Variants in DDHD2 observed in about 807,000 individuals in gnomAD.
DDHD2 encodes the protein DDHD domain containing 2, also known as triacylglycerol hydrolase DDHD2.
Under a neutral mutation model 91.2 loss-of-function variants are expected in DDHD2, and 62 were observed. That is an observed-to-expected ratio of 0.68 (90% CI 0.55 to 0.84). The LOEUF (loss-of-function observed/expected upper bound fraction) is 0.84, where lower values mean the gene tolerates loss of function less well. Ranked by LOEUF, DDHD2 falls within the 40% of genes least tolerant of loss-of-function variation. The probability of loss-of-function intolerance (pLI) is 0.00; values close to 1 mark genes in which losing one functional copy is unlikely to be tolerated. For missense variants in DDHD2, 740 were observed against 846.9 expected (o/e 0.87, Z 1.57); for synonymous variants, 271 against 293.9 (o/e 0.92, Z 0.80).
At position 38,234,428 on chromosome 8, in the gene DDHD2, TG is replaced by T. The variant is rs1804539497; in HGVS notation, c.260del (p.Gly87AlafsTer24). The stretch of plus-strand genomic sequence containing the variant: ...GTAATGGGAGAGTTGTTCCTACTGA[TG>T]GGGGCAGATATGATGTTCATTTGGG... The part of the protein sequence containing the change: ...GCNGRVVPTD[G>X]GRYDVHLGER... On this transcript the variant is annotated frameshift_variant, in exon 3 of 18. Transcript: ENST00000397166. LOFTEE classifies it high-confidence loss of function. 3 of 1,602,714 alleles carry T rather than the reference TG, an allele frequency of 1.9e-6. No individual in the cohort carries two copies. Among genetic ancestry groups the T allele is most frequent in the Non-Finnish European group, 2.5e-6 (3 of 1,177,370 alleles).
At position 38,247,825 on chromosome 8, in the gene DDHD2, A is replaced by G; in HGVS notation, c.1238A>G (p.Lys413Arg). ...FDIFEKEKVDKEALALCTDRD... is the reference protein window; with the variant it reads ...FDIFEKEKVDREALALCTDRD... ...ATCTTTGAGAAGGAGAAAGTAGATA[A>G]GGAAGCTCTGGTAAAAATAATCTTT... The change falls in exon 10 of 18, where the codon AAG (lysine) becomes AGG (arginine). Residue 413 changes from lysine to arginine, a missense_variant. This residue lies in a region of DDHD2 where 693 missense variants were observed against 764.2 expected (regional missense o/e 0.91). Transcript: ENST00000397166. 6.4e-7 allele frequency: 1 copy of G among 1,562,498 alleles called. No individual in the cohort carries two copies.
At chr8:38,243,813 T>TC (rs1278126970) in intron 7 of DDHD2, among the ~76,000 whole-genome samples, 1 of 151,158 alleles carries the variant, frequency 6.6e-6, no homozygotes, top group East Asian at 1.9e-4. Flanking sequence ...TTTATCTTTT[T>TC]TTTTTTTTTT....
downstream of DDHD2, chr8:38,272,656 C>T (rs1808510622): frequency 6.6e-6 from 1 of 152,224 alleles, no homozygotes; most frequent in South Asian, 2.1e-4. Context: ...AACAAATTAA[C>T]ATGTGGTTAA....
chr8:38,260,449 G>C (rs767667247), intron 17 of DDHD2, 151 bp from the exon 18 acceptor site: 16 of 188,872 alleles, frequency 8.5e-5, no homozygotes, highest in South Asian at 3.1e-4. Context: ...TGTGGCAACA[G>C]TTATGATTTT....
At chr8:38,238,499 C>G in intron 5 of DDHD2, 1 of 1,115,180 alleles carries the variant, frequency 9.0e-7, no homozygotes, top group Non-Finnish European at 1.1e-6. Flanking sequence ...GTGATTCCAC[C>G]TACTTGACTA....
At position 38,242,332 on chromosome 8, in the gene DDHD2, A is replaced by G. The variant is rs776706696; in HGVS notation, c.795A>G (p.Val265=). ...KAQENQQIGR[V]EFLPVNWHSP... is the part of the protein sequence containing the mutation. The stretch of plus-strand genomic sequence containing the variant: ...AAGAAAATCAGCAGATTGGGAGGGT[A>G]GAATTTCTTCCAGTCAACTGGCACA... The change falls in exon 7 of 18, where the codon GTA becomes GTG. Residue 265 remains valine (V), a synonymous_variant. Coordinates refer to ENST00000397166, the MANE Select transcript of DDHD2 (RefSeq NM_015214.3). The G allele has an allele frequency of 5.6e-6, 9 of 1,611,290 alleles. No individual in the cohort carries two copies. In the East Asian group the frequency reaches 6.7e-5, roughly 12 times the overall value.
intron 16 of DDHD2, among the ~76,000 whole-genome samples, chr8:38,258,575 A>G (rs549177336): frequency 1.3e-5 from 2 of 152,316 alleles, no homozygotes; most frequent in East Asian, 1.9e-4. Flanking sequence ...CTATACATAA[A>G]TGGGACTATT....
At position 38,260,111 on chromosome 8, in the gene DDHD2, C is replaced by CT; in HGVS notation, c.2129dup (p.Leu710PhefsTer54). 2.5e-5 allele frequency: 40 copies of CT among 1,611,854 alleles called. No homozygotes were observed. The highest frequency in any genetic ancestry group is 3.4e-5 in the Non-Finnish European group (40 of 1,178,010). On this transcript the variant is annotated frameshift_variant, in exon 17 of 18. Coordinates refer to ENST00000397166, the MANE Select transcript of DDHD2 (RefSeq NM_015214.3). LOFTEE classifies it high-confidence loss of function. ...ACCCAGGGTATCTTCCTTGATCAGCCTTTACAGTAAAAATGACCCATCTAT... is the reference window on the plus strand; with the variant it reads ...ACCCAGGGTATCTTCCTTGATCAGCCTTTTACAGTAAAAATGACCCATCTAT...
intron 5 of DDHD2, 196 bp downstream of exon 5, chr8:38,238,405 A>G: frequency 7.5e-7 from 1 of 1,326,448 alleles, no homozygotes; most frequent in Non-Finnish European, 9.7e-7. Flanking sequence ...TTTAAAACAT[A>G]TGGTAGGATG....
downstream of DDHD2, chr8:38,271,711 A>G (rs1808487944): frequency 6.6e-6 from 1 of 152,208 alleles, no homozygotes; most frequent in African/African-American, 2.4e-5. Context: ...GCCTTGTGAA[A>G]AGTAACTTTA....
At chr8:38,252,108 A>G in intron 12 of DDHD2, 24 bp from the exon 13 acceptor site, 2 of 1,612,502 alleles carry the variant, frequency 1.2e-6, no homozygotes, top group African/African-American at 1.3e-5. Context: ...TTAATGAGAG[A>G]TGCTTTTATT....
intron 1 of DDHD2, chr8:38,268,338 C>A (rs1727989671): frequency 6.5e-7 from 1 of 1,538,112 alleles, no homozygotes; most frequent in Non-Finnish European, 8.8e-7. Context: ...GTTCCCAGCA[C>A]GAAGAAACCG....
downstream of DDHD2, chr8:38,264,831 TTAAG>T (rs1236301441): frequency 2.1e-5 from 34 of 1,581,760 alleles, no homozygotes; most frequent in Admixed American, 1.3e-4. Flanking sequence ...AAAACACATC[TTAAG>T]TAAGTATAAT....
At chr8:38,247,542 C>T (rs1401042907) in intron 9 of DDHD2, 171 bp from the exon 10 acceptor site, 1 of 399,694 alleles carries the variant, frequency 2.5e-6, no homozygotes, top group Non-Finnish European at 4.4e-6. Flanking sequence ...AACATATTTT[C>T]AATTGAAGTT....
At chr8:38,243,266 G>A (rs1366015430) in intron 7 of DDHD2, among the ~76,000 whole-genome samples, 2 of 152,116 alleles carry the variant, frequency 1.3e-5, no homozygotes, top group Admixed American at 1.3e-4. Flanking sequence ...TGTCAGCGTG[G>A]TCTTCCTCTC....
At chr8:38,254,641 A>G (rs1462033390) in intron 16 of DDHD2, among the ~76,000 whole-genome samples, 1 of 152,152 alleles carries the variant, frequency 6.6e-6, no homozygotes, top group African/African-American at 2.4e-5. Flanking sequence ...AAGTGCTGGA[A>G]TTACAGGCAT....
At chr8:38,268,539 C>T (rs1808086869) in intron 1 of DDHD2, 1 of 1,529,582 alleles carries the variant, frequency 6.5e-7, no homozygotes, top group Non-Finnish European at 8.8e-7. Context: ...AGGGATGTGA[C>T]ACAGCAGGAC....
In DDHD2 at chr8:38,267,980, G is replaced by GT. The variant is rs1163198749; in HGVS notation, n.88-3140dup. ...TGGCAGCTGCAAAGCAAAGCCATTA[G>GT]TTGAAAGGATCTGTCTAGGAGGAAA... On this transcript the variant is annotated intron_variant and non_coding_transcript_variant, in intron 1 of 1. Transcript: ENST00000526071. 15 of 1,613,890 alleles carry GT rather than the reference G, an allele frequency of 9.3e-6. No individual in the cohort carries two copies. In the East Asian group the frequency reaches 3.3e-4, roughly 36 times the overall value.
chr8:38,246,955 T>C (rs532831885), intron 9 of DDHD2: 11 of 152,274 alleles, frequency 7.2e-5, no homozygotes, highest in Non-Finnish European at 1.6e-4. Context: ...ATAGAAACTC[T>C]GTTCGAAAGT....
Sources: allele counts gnomAD v4.1 joint callset (sites outside exome capture counted in the v4.1 genomes callset), GRCh38; gene constraint gnomAD v4.1.1; regional missense constraint gnomAD v4.1.1; transcripts MANE v1.5; gene names NCBI Gene and HGNC (gene_info 2026-07-23, HGNC 2026-07-21).